Variants in UBE2E2 observed in about 807,000 individuals in gnomAD.
The protein encoded by UBE2E2 is ubiquitin-conjugating enzyme E2 E2.
In UBE2E2, 6 loss-of-function variants were observed where a neutral mutation model predicts 24.7. That is an observed-to-expected ratio of 0.24 (90% CI 0.13 to 0.48). UBE2E2 has a LOEUF of 0.48. UBE2E2 is among the 20% of genes least tolerant of loss of function. The pLI, the probability that UBE2E2 is intolerant of heterozygous loss-of-function variation, is 0.99. For synonymous variants in UBE2E2, 104 were observed against 83.6 expected (o/e 1.24, Z -1.33); for missense variants, 169 against 245.0 (o/e 0.69, Z 2.07).
chr3:23,370,687 A>G (rs1696378502), intron 3 of UBE2E2, among the ~76,000 whole-genome samples: 1 of 152,192 alleles, frequency 6.6e-6, no homozygotes, highest in Admixed American at 6.6e-5. Context: ...AGGACCTGTG[A>G]AGGAGATGGA....
chr3:23,397,564 CTGTT>C (rs1226658190), intron 3 of UBE2E2, among the ~76,000 whole-genome samples: 1 of 152,318 alleles, frequency 6.6e-6, no homozygotes, highest in African/African-American at 2.4e-5. Flanking sequence ...TAGGTAACCA[CTGTT>C]TGTTATAATC....
intron 3 of UBE2E2, among the ~76,000 whole-genome samples, chr3:23,286,717 T>G (rs1477754743): frequency 6.6e-6 from 1 of 152,176 alleles, no homozygotes; most frequent in Non-Finnish European, 1.5e-5. Flanking sequence ...AGAGAATGCA[T>G]TTAATCTGTA....
intron 4 of UBE2E2, among the ~76,000 whole-genome samples, chr3:23,529,657 G>A (rs1695076818): frequency 6.6e-6 from 1 of 152,036 alleles, no homozygotes; most frequent in Admixed American, 6.5e-5. Context: ...GTTGTTTTGA[G>A]GGTTAATTAT....
At chr3:23,335,958 C>T (rs1287615900) in intron 3 of UBE2E2, among the ~76,000 whole-genome samples, 2 of 152,090 alleles carry the variant, frequency 1.3e-5, no homozygotes, top group Non-Finnish European at 2.9e-5. Context: ...GTAAGCCTCC[C>T]CAGTGCCTCA....
In UBE2E2 at chr3:23,589,997, G is replaced by GC. The variant is rs1299192720; in HGVS notation, c.*172dup. 5 of 562,120 alleles carry GC rather than the reference G, an allele frequency of 8.9e-6. No homozygotes were observed. In the East Asian group the frequency reaches 1.2e-4, roughly 13 times the overall value. 34.8% of individuals were successfully genotyped at this position (562,120 alleles called of 1,614,324 possible). On this transcript the variant is annotated 3_prime_UTR_variant, in exon 6 of 6. Coordinates refer to ENST00000396703, the MANE Select transcript of UBE2E2 (RefSeq NM_152653.4). The surrounding 1 kb of genome is among the most constrained non-coding windows in gnomAD (Gnocchi z 4.1). Reference sequence around the variant, plus strand: ...CCATCTTCCCATCCCAGTTCTTCCTGCCCCCCTTCCTCTCTCCCACGCTCT... The same window carrying GC: ...CCATCTTCCCATCCCAGTTCTTCCTGCCCCCCCTTCCTCTCTCCCACGCTCT...
chr3:23,523,872 T>C (rs1311386994), intron 4 of UBE2E2, among the ~76,000 whole-genome samples: 4 of 151,906 alleles, frequency 2.6e-5, no homozygotes, highest in Non-Finnish European at 5.9e-5. Context: ...TAAACTGTAG[T>C]TTCATAGTGA....
intron 3 of UBE2E2, chr3:23,273,861 G>A (rs2125365839): frequency 6.6e-6 from 1 of 152,552 alleles, no homozygotes; most frequent in East Asian, 1.9e-4. Context: ...GCCAGTTACA[G>A]ATTTCTTTGT....
chr3:23,207,892 T>G (rs942045015), intron 1 of UBE2E2, among the ~76,000 whole-genome samples: 1 of 152,192 alleles, frequency 6.6e-6, no homozygotes, highest in African/African-American at 2.4e-5. Context: ...TCTTAGAATA[T>G]TTATTATTAG....
At chr3:23,249,536 A>G (rs1168722803) in intron 3 of UBE2E2, among the ~76,000 whole-genome samples, 2 of 152,220 alleles carry the variant, frequency 1.3e-5, no homozygotes, top group Non-Finnish European at 1.5e-5. Context: ...GATTCAGGAT[A>G]AACGTAGTTA....
intron 3 of UBE2E2, among the ~76,000 whole-genome samples, chr3:23,333,487 C>G (rs1369417967): frequency 6.6e-6 from 1 of 152,094 alleles, no homozygotes; most frequent in Non-Finnish European, 1.5e-5. Context: ...CCAACTCCCC[C>G]TAAACCTTTT....
At chr3:23,480,592 G>A (rs1011885127) in intron 3 of UBE2E2, among the ~76,000 whole-genome samples, 2 of 149,580 alleles carry the variant, frequency 1.3e-5, no homozygotes, top group Non-Finnish European at 2.9e-5. Flanking sequence ...CTGCAGAGAG[G>A]CCACTGCCGC....
At chr3:23,532,532 A>G (rs1168064517) in intron 4 of UBE2E2, 22 bp from the exon 5 acceptor site, 8 of 1,495,022 alleles carry the variant, frequency 5.4e-6, no homozygotes, top group Admixed American at 1.7e-5. Context: ...CTAACAAAAT[A>G]TAACTTTACA....
intron 3 of UBE2E2, among the ~76,000 whole-genome samples, chr3:23,445,165 G>T (rs1377044904): frequency 1.3e-5 from 2 of 152,100 alleles, no homozygotes; most frequent in Non-Finnish European, 2.9e-5. Context: ...ACTCTATTAT[G>T]GGCTCACTAT....
intron 3 of UBE2E2, among the ~76,000 whole-genome samples, chr3:23,340,951 C>T (rs1314647650): frequency 6.6e-6 from 1 of 152,158 alleles, no homozygotes; most frequent in Non-Finnish European, 1.5e-5. Context: ...GAGGCACCAA[C>T]ACCAGTGGGA....
chr3:23,504,786 T>C (rs1182675305), intron 4 of UBE2E2, among the ~76,000 whole-genome samples: 2 of 152,080 alleles, frequency 1.3e-5, no homozygotes, highest in African/African-American at 4.8e-5. Context: ...TCAAATAAAA[T>C]TAACAAGGAT....
intron 5 of UBE2E2, among the ~76,000 whole-genome samples, chr3:23,586,578 G>T (rs910636182): frequency 6.6e-6 from 1 of 152,120 alleles, no homozygotes; most frequent in Non-Finnish European, 1.5e-5. Context: ...GATTACAGAC[G>T]TGAGCCATCT....
chr3:23,533,619 A>ATTTTTTT (rs759984741), intron 5 of UBE2E2, among the ~76,000 whole-genome samples: 23 of 108,504 alleles, frequency 2.1e-4, no homozygotes, highest in Non-Finnish European at 3.5e-4. Context: ...GCAAATTAGT[A>ATTTTTTT]TTTTTTTTTT....
At chr3:23,571,880 C>G (rs1696240592) in intron 5 of UBE2E2, among the ~76,000 whole-genome samples, 1 of 152,208 alleles carries the variant, frequency 6.6e-6, no homozygotes, top group African/African-American at 2.4e-5. Flanking sequence ...CACTGCCACA[C>G]AAACTACACT....
chr3:23,492,815 G>A (rs912424692), intron 3 of UBE2E2, among the ~76,000 whole-genome samples: 1 of 152,034 alleles, frequency 6.6e-6, no homozygotes, highest in African/African-American at 2.4e-5. Flanking sequence ...GATTCATGAT[G>A]TAGAAATATA....
Sources: allele counts gnomAD v4.1 joint callset (sites outside exome capture counted in the v4.1 genomes callset), GRCh38; gene constraint gnomAD v4.1.1; non-coding constraint Gnocchi (gnomAD v3.1); transcripts MANE v1.5; gene names NCBI Gene and HGNC (gene_info 2026-07-23, HGNC 2026-07-21).